The following PDE4D variants were observed in gnomAD, a reference collection of about 807,000 sequenced individuals.
PDE4D encodes phosphodiesterase 4D.
Under a neutral mutation model 87.4 loss-of-function variants are expected in PDE4D, and 24 were observed. The observed-to-expected ratio is 0.27, with a 90% confidence interval of 0.20 to 0.39. The LOEUF is 0.39. PDE4D is among the 10% of genes least tolerant of loss of function. PDE4D has a pLI of 1.00. For missense variants in PDE4D, 714 were observed against 1,041.0 expected (o/e 0.69, Z 4.32); for synonymous variants, 384 against 383.2 (o/e 1.00, Z -0.02).
chr5:60,276,963 T>C (rs1177110543), intron 1 of PDE4D, among the ~76,000 whole-genome samples: 1 of 152,032 alleles, frequency 6.6e-6, no homozygotes, highest in Non-Finnish European at 1.5e-5. Flanking sequence ...CTAGACAGCA[T>C]ATAGTTAGGT....
chr5:59,398,916 A>G (rs1165631183), intron 1 of PDE4D, among the ~76,000 whole-genome samples: 1,567 of 94,570 alleles, frequency 0.017, no homozygotes, highest in African/African-American at 0.019. Flanking sequence ...CAAAAATCAC[A>G]AGCATTCTTA....
chr5:59,699,871 C>T (rs1752311596), intron 1 of PDE4D, among the ~76,000 whole-genome samples: 1 of 152,128 alleles, frequency 6.6e-6, no homozygotes, highest in Admixed American at 6.6e-5. Context: ...TCATTTCAGT[C>T]ACCATCTACT....
At chr5:59,162,052 A>C (rs932636260) in intron 5 of PDE4D, among the ~76,000 whole-genome samples, 1 of 152,242 alleles carries the variant, frequency 6.6e-6, no homozygotes, top group Admixed American at 6.5e-5. Context: ...TTAAACATGC[A>C]GGTGTGAATG....
chr5:59,213,889 T>A (rs779567752), intron 2 of PDE4D, among the ~76,000 whole-genome samples: 1 of 152,070 alleles, frequency 6.6e-6, no homozygotes, highest in South Asian at 2.1e-4. Flanking sequence ...TCACCTGTTA[T>A]CTGTCATGTT....
intron 11 of PDE4D, among the ~76,000 whole-genome samples, chr5:58,978,550 T>C (rs1744361032): frequency 6.6e-6 from 1 of 152,148 alleles, no homozygotes; most frequent in Non-Finnish European, 1.5e-5. Flanking sequence ...AAGAAAGAAA[T>C]ACCCAATACT....
At position 60,256,093 on chromosome 5, in the gene PDE4D, T is replaced by C. The variant is rs1454557071; in HGVS notation, c.-89-70406A>G. Among the ~76,000 whole-genome samples the C allele has an allele frequency of 3.3e-5, 5 of 151,928 alleles. 1 individual carries two copies. Among genetic ancestry groups the C allele is most frequent in the Admixed American group, 2.6e-4 (4 of 15,218 alleles). ...ATCAGATGCATACAATTCCTCCATGTATCTTTACTAAGCCTTATATGGACT... is the reference window on the plus strand; with the variant it reads ...ATCAGATGCATACAATTCCTCCATGCATCTTTACTAAGCCTTATATGGACT... On this transcript the variant is annotated intron_variant, in intron 1 of 16. Coordinates refer to the PDE4D transcript ENST00000502484.
At chr5:60,278,917 AATTTTCCTTC>A (rs1215006070) in intron 1 of PDE4D, among the ~76,000 whole-genome samples, 2 of 152,204 alleles carry the variant, frequency 1.3e-5, no homozygotes, top group Non-Finnish European at 2.9e-5. Flanking sequence ...TATTAATTGC[AATTTTCCTTC>A]ATTTTGAGAT....
chr5:60,078,641 A>T (rs1157335141), intron 2 of PDE4D, among the ~76,000 whole-genome samples: 1 of 152,224 alleles, frequency 6.6e-6, no homozygotes, highest in African/African-American at 2.4e-5. Context: ...AGTGGTGTTC[A>T]GTTTTCTGTT....
chr5:60,281,013 C>T (rs1751838096), intron 1 of PDE4D, among the ~76,000 whole-genome samples: 1 of 152,168 alleles, frequency 6.6e-6, no homozygotes, highest in Admixed American at 6.5e-5. Context: ...TCAATCATTT[C>T]AGGCACCTGC....
chr5:59,550,963 T>TG (rs1353544061), intron 1 of PDE4D, among the ~76,000 whole-genome samples: 1 of 152,174 alleles, frequency 6.6e-6, no homozygotes, highest in African/African-American at 2.4e-5. Context: ...CCCAAAGTGC[T>TG]GGGATTATAG....
chr5:59,260,794 G>A (rs1331058392), intron 1 of PDE4D, among the ~76,000 whole-genome samples: 1 of 151,514 alleles, frequency 6.6e-6, no homozygotes, highest in African/African-American at 2.4e-5. Flanking sequence ...AGAAGGGAGA[G>A]GTTCAAATTA....
intron 1 of PDE4D, among the ~76,000 whole-genome samples, chr5:60,268,157 G>A (rs1209863828): frequency 6.6e-6 from 1 of 152,056 alleles, no homozygotes; most frequent in Non-Finnish European, 1.5e-5. Context: ...CATAGTCAAG[G>A]TCATATAAGG....
At chr5:59,771,546 G>GAAAGAAAGAAAGAAAGA (rs1193470474) in intron 1 of PDE4D, among the ~76,000 whole-genome samples, 6 of 148,980 alleles carry the variant, frequency 4.0e-5, no homozygotes, top group Admixed American at 2.6e-4. Flanking sequence ...AAGAAAGAAA[G>GAAAGAAAGAAAGAAAGA]AAAGAAAAGA....
At chr5:60,239,335 C>A (rs1267706964) in intron 1 of PDE4D, among the ~76,000 whole-genome samples, 2 of 152,070 alleles carry the variant, frequency 1.3e-5, no homozygotes, top group Non-Finnish European at 2.9e-5. Flanking sequence ...AATCACTATA[C>A]TTTTACAGTA....
Position 60,215,376 on chromosome 5 carries a change from C to T in PDE4D, c.-89-29689G>A, listed in dbSNP as rs566249914. 6.6e-5 allele frequency among the ~76,000 whole-genome samples: 10 copies of T among 152,180 alleles called. No homozygotes were observed. The South Asian group carries it at 2.1e-3, about 32-fold the overall frequency. ...AACTATCCTTGTGTTTTAAAAAATG[C>T]TACTTATGAGGATTTTTTTCCCTTC... On this transcript the variant is annotated intron_variant, in intron 1 of 16. Transcript: ENST00000502484.
chr5:60,430,438 G>A lies in PDE4D; in HGVS notation c.-90+57504C>T, dbSNP rs541765989. Among the ~76,000 whole-genome samples, 274 of 151,342 alleles carry A rather than the reference G, an allele frequency of 1.8e-3. 2 individuals carry two copies. Among genetic ancestry groups the A allele is most frequent in the South Asian group, 8.4e-3 (40 of 4,784 alleles). ...GGCCTCGACCCTAGCTTTCCCTTCT[G>A]CCTCGCATGCCATTCCCCCAGATAT... On this transcript the variant is annotated intron_variant, in intron 1 of 16. Transcript: ENST00000502484.
rs896063972 is a variant in PDE4D at position 59,483,556 on chromosome 5, G to A, written c.456-267588C>T. ...TTTTAGGGGTGTATTTTTAGGAGGAGCTACCAGCAGAACTATATCCCAGCA... is the reference window on the plus strand; with the variant it reads ...TTTTAGGGGTGTATTTTTAGGAGGAACTACCAGCAGAACTATATCCCAGCA... On this transcript the variant is annotated intron_variant, in intron 1 of 14. Coordinates refer to ENST00000340635, the MANE Select transcript of PDE4D (RefSeq NM_001104631.2). Among the ~76,000 whole-genome samples, 4 of 152,056 alleles carry A rather than the reference G, an allele frequency of 2.6e-5. 1 individual carries two copies. In the South Asian group the frequency reaches 8.3e-4, roughly 32 times the overall value.
intron 1 of PDE4D, among the ~76,000 whole-genome samples, chr5:59,595,225 A>G (rs890602446): frequency 6.6e-6 from 1 of 152,212 alleles, no homozygotes; most frequent in African/African-American, 2.4e-5. Flanking sequence ...TGTTTAACAC[A>G]TATTTTGACA....
At chr5:59,275,191 G>T in intron 1 of PDE4D, 1 of 593,542 alleles carries the variant, frequency 1.7e-6, no homozygotes, top group Non-Finnish European at 2.8e-6. Flanking sequence ...TAAAGCACAT[G>T]AGTTTGGGAA....
Sources: gnomAD v4.1 joint callset for allele counts (sites outside exome capture counted in the v4.1 genomes callset) on GRCh38, gnomAD v4.1.1 for gene constraint, MANE v1.5 for transcripts, NCBI Gene and HGNC (gene_info 2026-07-23, HGNC 2026-07-21) for gene names.